The following RANBP17 variants were observed in gnomAD, a reference collection of about 807,000 sequenced individuals.
RANBP17 encodes the protein ran-binding protein 17.
Under a neutral mutation model 141.2 loss-of-function variants are expected in RANBP17, and 158 were observed. The observed-to-expected ratio is 1.12, with a 90% CI of 0.98 to 1.28. The LOEUF (loss-of-function observed/expected upper bound fraction) is 1.28. Among genes scored for constraint, RANBP17 ranks in the 50% most tolerant of loss-of-function variants. The pLI is 0.00. For synonymous variants in RANBP17, 430 were observed against 450.0 expected (o/e 0.96, Z 0.56); for missense variants, 1,438 against 1,290.7 (o/e 1.11, Z -1.75).
Position 170,909,725 on chromosome 5 carries a change from T to A in RANBP17, c.554T>A (p.Leu185His). The change falls in exon 6 of 28, where the codon CTC (leucine) becomes CAC (histidine). Residue 185 changes from leucine to histidine, a missense_variant. Physicochemically the swap from Leu to His is moderately conservative, Grantham distance 99 (BLOSUM62 -3). Transcript: ENST00000523189. ...KIATSFRDTS[L>H]KDVLVLACSL... is the part of the protein sequence containing the mutation. The stretch of plus-strand genomic sequence containing the variant: ...GCTACCTCATTTCGTGATACTTCTC[T>A]CAAAGACGTTTTAGTGCTAGCATGC... 1 of 1,596,170 alleles carries A rather than the reference T, an allele frequency of 6.3e-7. No homozygotes were observed. Among genetic ancestry groups the A allele is most frequent in the Non-Finnish European group, 8.6e-7 (1 of 1,165,708 alleles).
At chr5:171,119,366 G>A (rs943145626) in intron 14 of RANBP17, among the ~76,000 whole-genome samples, 1 of 152,114 alleles carries the variant, frequency 6.6e-6, no homozygotes, top group East Asian at 1.9e-4. Context: ...TGATATCGGG[G>A]TTATACTGAC....
intron 14 of RANBP17, among the ~76,000 whole-genome samples, chr5:171,114,483 A>G (rs1581665899): frequency 6.6e-6 from 1 of 151,898 alleles, no homozygotes. Flanking sequence ...TATGAAATAC[A>G]TAGAATGATT....
chr5:170,887,361 A>G (rs1462967103), intron 3 of RANBP17, among the ~76,000 whole-genome samples: 1 of 152,164 alleles, frequency 6.6e-6, no homozygotes, highest in African/African-American at 2.4e-5. Context: ...AAAAGTCATC[A>G]CTGAACCAAG....
chr5:171,045,161 A>G (rs1782494669), intron 14 of RANBP17, among the ~76,000 whole-genome samples: 1 of 152,094 alleles, frequency 6.6e-6, no homozygotes, highest in South Asian at 2.1e-4. Context: ...GCAGTTTTGT[A>G]ATGCTTATAT....
At chr5:171,279,377 A>G (rs563601895) in intron 25 of RANBP17, among the ~76,000 whole-genome samples, 20 of 152,312 alleles carry the variant, frequency 1.3e-4, no homozygotes, top group South Asian at 2.1e-4. Context: ...AGGAAACCCA[A>G]CGTCAAGGGT....
chr5:171,252,179 A>G (rs1765615707), intron 24 of RANBP17: 3 of 1,582,200 alleles, frequency 1.9e-6, no homozygotes, highest in African/African-American at 1.4e-5. Context: ...ACATGCAACA[A>G]GATCCCCCAT....
intron 3 of RANBP17, among the ~76,000 whole-genome samples, chr5:170,890,632 G>T (rs1255755705): frequency 1.3e-5 from 2 of 152,038 alleles, no homozygotes; most frequent in African/African-American, 4.8e-5. Context: ...ATGGCATGCT[G>T]GCCTTTCAGG....
chr5:171,178,533 C>T (rs573967239), intron 16 of RANBP17, among the ~76,000 whole-genome samples: 1 of 152,202 alleles, frequency 6.6e-6, no homozygotes, highest in African/African-American at 2.4e-5. Flanking sequence ...TGGGTTTATA[C>T]CCAGTAATGG....
intron 14 of RANBP17, among the ~76,000 whole-genome samples, chr5:171,016,652 T>C (rs1240501773): frequency 6.6e-6 from 1 of 152,122 alleles, no homozygotes. Flanking sequence ...TCATTTACAT[T>C]AGGTATTGTT....
intron 18 of RANBP17, among the ~76,000 whole-genome samples, chr5:171,196,866 G>A (rs1013988909): frequency 1.3e-5 from 2 of 152,006 alleles, no homozygotes; most frequent in African/African-American, 4.8e-5. Context: ...TGTTGCCCAG[G>A]TTGGTCTCAA....
At chr5:171,000,210 C>G (rs1201720100) in intron 14 of RANBP17, among the ~76,000 whole-genome samples, 1 of 152,164 alleles carries the variant, frequency 6.6e-6, no homozygotes, top group Non-Finnish European at 1.5e-5. Flanking sequence ...TATGGATATA[C>G]AAATATCTCT....
chr5:170,898,137 C>T (rs1770291684), intron 5 of RANBP17, among the ~76,000 whole-genome samples: 1 of 152,168 alleles, frequency 6.6e-6, no homozygotes, highest in African/African-American at 2.4e-5. Flanking sequence ...CTTTATGAAT[C>T]TGGGTGCCTC....
At chr5:171,018,905 G>A (rs1377601858) in intron 14 of RANBP17, among the ~76,000 whole-genome samples, 1 of 152,114 alleles carries the variant, frequency 6.6e-6, no homozygotes, top group African/African-American at 2.4e-5. Context: ...GTCATAAATA[G>A]CTCTTATTAT....
Position 170,909,685 on chromosome 5 carries a change from A to G in RANBP17, c.514A>G (p.Lys172Glu). 6.3e-7 allele frequency: 1 copy of G among 1,590,816 alleles called. No individual in the cohort carries two copies. Among genetic ancestry groups the G allele is most frequent in the Non-Finnish European group, 8.6e-7 (1 of 1,162,280 alleles). Residue 172 changes from lysine to glutamate, a missense_variant, in exon 6 of 28, where the codon AAA becomes GAA. Transcript: ENST00000523189. The part of the protein sequence containing the change: ...NLVDYSRPSA[K>E]HRKIATSFRD... ...GGTTGATTATTCTAGACCTTCAGCA[A>G]AACACAGGAAAATAGCTACCTCATT...
chr5:170,916,484 A>G lies in RANBP17; in HGVS notation c.854A>G (p.Gln285Arg). ...LSQLALSCLVQFASTRRSLFN... is the reference protein window; with the variant it reads ...LSQLALSCLVRFASTRRSLFN... ...TTTTAGGCACTTTCATGTTTAGTTC[A>G]GTTTGCTTCGACAAGAAGGTCCTTA... Residue 285 changes from glutamine to arginine, a missense_variant, in exon 9 of 28, where the codon CAG becomes CGG. Gln to Arg is a conservative substitution (Grantham distance 43). Coordinates refer to ENST00000523189, the MANE Select transcript of RANBP17 (RefSeq NM_022897.5). The G allele has an allele frequency of 6.4e-7, 1 of 1,570,698 alleles. No homozygotes were observed. The highest frequency in any genetic ancestry group is 8.6e-7 in the Non-Finnish European group (1 of 1,158,330).
At chr5:171,148,767 T>TTC (rs1171967052) in intron 14 of RANBP17, among the ~76,000 whole-genome samples, 1 of 152,184 alleles carries the variant, frequency 6.6e-6, no homozygotes, top group Non-Finnish European at 1.5e-5. Context: ...GGGTCTCAAT[T>TTC]TCTTTTGTGG....
At chr5:171,254,238 C>G (rs1194785423) in intron 24 of RANBP17, among the ~76,000 whole-genome samples, 2 of 125,282 alleles carry the variant, frequency 1.6e-5, no homozygotes, top group East Asian at 4.7e-4. Flanking sequence ...CAGAGCGAGA[C>G]TCTGTCTCAA....
chr5:171,186,727 G>A (rs1215468078), intron 18 of RANBP17, among the ~76,000 whole-genome samples: 3 of 149,982 alleles, frequency 2.0e-5, no homozygotes, highest in Non-Finnish European at 4.4e-5. Flanking sequence ...TAGTAGAGAC[G>A]GGGTTTCACC....
chr5:171,012,234 G>A (rs1780108509), intron 14 of RANBP17, among the ~76,000 whole-genome samples: 2 of 151,998 alleles, frequency 1.3e-5, no homozygotes, highest in South Asian at 2.1e-4. Context: ...GAACTATGGA[G>A]CAAAAGGCAA....
Sources: allele counts gnomAD v4.1 joint callset (sites outside exome capture counted in the v4.1 genomes callset), GRCh38; gene constraint gnomAD v4.1.1; transcripts MANE v1.5; gene names NCBI Gene and HGNC (gene_info 2026-07-23, HGNC 2026-07-21).